Variants in OXR1 observed in about 807,000 individuals in gnomAD.
The protein encoded by OXR1 is oxidation resistance protein 1.
A neutral mutation model predicts 104.6 loss-of-function variants in OXR1; 41 were observed. The ratio of observed to expected loss-of-function variants is 0.39; its 90% confidence interval spans 0.31 to 0.51. The LOEUF is 0.51. OXR1 is among the 20% of genes least tolerant of loss of function. OXR1 has a pLI of 0.77. For synonymous variants in OXR1, 348 were observed against 348.4 expected (o/e 1.00, Z 0.01); for missense variants, 955 against 1,031.9 (o/e 0.93, Z 1.02).
intron 2 of OXR1, among the ~76,000 whole-genome samples, chr8:106,397,445 T>C (rs997467445): frequency 3.9e-5 from 6 of 152,098 alleles, no homozygotes; most frequent in African/African-American, 1.4e-4. Flanking sequence ...ATTAACTTTT[T>C]AAAAAGCTCA....
intron 3 of OXR1, among the ~76,000 whole-genome samples, chr8:106,626,844 TATC>T (rs954607899): frequency 6.6e-6 from 1 of 151,100 alleles, no homozygotes; most frequent in Admixed American, 6.6e-5. Flanking sequence ...ATATTATAAT[TATC>T]ATATTTTAAA....
chr8:106,685,830 G>A (rs752735861), intron 6 of OXR1, among the ~76,000 whole-genome samples: 17 of 152,086 alleles, frequency 1.1e-4, no homozygotes, highest in Admixed American at 2.0e-4. Context: ...TTGCACATGC[G>A]TATATAGCAG....
At chr8:106,314,907 G>T (rs780862315) in intron 1 of OXR1, among the ~76,000 whole-genome samples, 1 of 152,148 alleles carries the variant, frequency 6.6e-6, no homozygotes, top group African/African-American at 2.4e-5. Context: ...TTTTATCTCC[G>T]TGATGACATT....
chr8:106,749,855 C>G (rs535440730), intron 16 of OXR1, among the ~76,000 whole-genome samples: 56 of 152,064 alleles, frequency 3.7e-4, no homozygotes, highest in Non-Finnish European at 2.1e-4. Flanking sequence ...TTTCCCCTCT[C>G]GGTTATGTAT....
At chr8:106,586,335 GA>G (rs1818628858) in intron 3 of OXR1, among the ~76,000 whole-genome samples, 1 of 152,106 alleles carries the variant, frequency 6.6e-6, no homozygotes, top group African/African-American at 2.4e-5. Context: ...AAAAAAGAGA[GA>G]AGAAAAACAA....
At chr8:106,401,802 A>C (rs1348792112) in intron 2 of OXR1, among the ~76,000 whole-genome samples, 1 of 152,156 alleles carries the variant, frequency 6.6e-6, no homozygotes, top group East Asian at 1.9e-4. Flanking sequence ...CGGTAAGTCT[A>C]AGTAGTTGCT....
At chr8:106,390,157 T>C (rs1345952121) in intron 2 of OXR1, among the ~76,000 whole-genome samples, 1 of 152,218 alleles carries the variant, frequency 6.6e-6, no homozygotes. Flanking sequence ...TTAGTATTTT[T>C]ATTTTTAATG....
At chr8:106,744,735 T>A (rs948256515) in intron 15 of OXR1, among the ~76,000 whole-genome samples, 2 of 152,186 alleles carry the variant, frequency 1.3e-5, no homozygotes, top group Non-Finnish European at 2.9e-5. Context: ...CTTAAAACAT[T>A]GAGTGCAATA....
chr8:106,692,999 T>A, intron 7 of OXR1, 122 bp downstream of exon 7: 1 of 582,646 alleles, frequency 1.7e-6, no homozygotes, highest in Non-Finnish European at 2.8e-6. Context: ...TATAGAAAGG[T>A]ACTAGTGATA....
At chr8:106,408,238 C>T (rs1254387584) in intron 2 of OXR1, among the ~76,000 whole-genome samples, 1 of 152,008 alleles carries the variant, frequency 6.6e-6, no homozygotes, top group Admixed American at 6.6e-5. Flanking sequence ...ACTTTTAGTT[C>T]TTTTAAACTA....
chr8:106,453,307 G>A (rs1820426788), intron 2 of OXR1, among the ~76,000 whole-genome samples: 1 of 152,168 alleles, frequency 6.6e-6, no homozygotes, highest in South Asian at 2.1e-4. Context: ...CTTGCCCTAA[G>A]TGTTGGGCTA....
At chr8:106,550,566 G>A (rs554701157) in intron 3 of OXR1, among the ~76,000 whole-genome samples, 1 of 152,276 alleles carries the variant, frequency 6.6e-6, no homozygotes, top group African/African-American at 2.4e-5. Flanking sequence ...GGTGGGAGGT[G>A]ATTGGATCAT....
chr8:106,313,997 G>A (rs1323498524), intron 1 of OXR1, among the ~76,000 whole-genome samples: 3 of 152,066 alleles, frequency 2.0e-5, no homozygotes, highest in Non-Finnish European at 2.9e-5. Flanking sequence ...ATGTTTCCAC[G>A]GAACTAGTTT....
At chr8:106,301,126 G>A (rs1225946798) in intron 1 of OXR1, among the ~76,000 whole-genome samples, 1 of 152,118 alleles carries the variant, frequency 6.6e-6, no homozygotes, top group African/African-American at 2.4e-5. Flanking sequence ...GTTTTGGGGG[G>A]CATAACTGTA....
chr8:106,584,664 G>A (rs767508244), intron 3 of OXR1, among the ~76,000 whole-genome samples: 1 of 151,932 alleles, frequency 6.6e-6, no homozygotes, highest in Admixed American at 6.5e-5. Context: ...AATCAACTAT[G>A]AGTAGAATAA....
chr8:106,464,638 C>G (rs182355096), intron 2 of OXR1, among the ~76,000 whole-genome samples: 88 of 152,170 alleles, frequency 5.8e-4, no homozygotes, highest in Middle Eastern at 3.4e-3. Context: ...GTAGAAGTAG[C>G]AGTGAGACAG....
At chr8:106,293,936 T>C (rs373317751) in intron 1 of OXR1, among the ~76,000 whole-genome samples, 22 of 151,050 alleles carry the variant, frequency 1.5e-4, no homozygotes, top group African/African-American at 5.3e-4. Context: ...CATAGCATTA[T>C]GATTTCTAGA....
chr8:106,413,174 A>G (rs1200422486), intron 2 of OXR1, among the ~76,000 whole-genome samples: 1 of 152,066 alleles, frequency 6.6e-6, no homozygotes, highest in African/African-American at 2.4e-5. Flanking sequence ...TCATATAGGA[A>G]TCCTGTTTTT....
chr8:106,339,132 AT>A (rs1815088314), intron 1 of OXR1, among the ~76,000 whole-genome samples: 1 of 152,046 alleles, frequency 6.6e-6, no homozygotes, highest in Non-Finnish European at 1.5e-5. Flanking sequence ...ACATTGATAA[AT>A]TTATTTGAAA....
Sources: gnomAD v4.1 joint callset for allele counts (sites outside exome capture counted in the v4.1 genomes callset) on GRCh38, gnomAD v4.1.1 for gene constraint, MANE v1.5 for transcripts, NCBI Gene and HGNC (gene_info 2026-07-23, HGNC 2026-07-21) for gene names.